DTD1: variants seen among roughly 807,000 people sequenced by gnomAD.
DTD1 encodes D-aminoacyl-tRNA deacylase 1.
In DTD1, 13 loss-of-function variants were observed where a neutral mutation model predicts 25.6. The ratio of observed to expected loss-of-function variants is 0.51; its 90% CI spans 0.33 to 0.81. The LOEUF (loss-of-function observed/expected upper bound fraction) is 0.81, where lower values mean the gene tolerates loss of function less well. Ranked by LOEUF, DTD1 falls within the 30% of genes least tolerant of loss-of-function variation. DTD1 has a pLI of 0.02. For synonymous variants in DTD1, 110 were observed against 103.6 expected, an observed-to-expected ratio of 1.06 and a Z score of -0.37; for missense variants, 193 against 266.4, an observed-to-expected ratio of 0.72 and a Z score of 1.92.
At chr20:18,601,498 C>CAAA (rs1175102426) in intron 3 of DTD1, among the ~76,000 whole-genome samples, 6 of 110,574 alleles carry the variant, frequency 5.4e-5, no homozygotes, top group African/African-American at 1.1e-4. Flanking sequence ...GACTCTGTCT[C>CAAA]AAAAAAAAAA....
At chr20:18,666,359 C>A (rs539343248) in intron 4 of DTD1, among the ~76,000 whole-genome samples, 9 of 152,318 alleles carry the variant, frequency 5.9e-5, no homozygotes, top group African/African-American at 2.2e-4. Context: ...TACTATTTTT[C>A]TCTTTTCCTC....
intron 4 of DTD1, among the ~76,000 whole-genome samples, chr20:18,690,563 C>T (rs865834199): frequency 2.0e-5 from 3 of 152,160 alleles, no homozygotes; most frequent in Non-Finnish European, 2.9e-5. Flanking sequence ...CTACATATAG[C>T]GAGTCAGTTA....
At chr20:18,718,317 C>T (rs1397850273) in intron 4 of DTD1, among the ~76,000 whole-genome samples, 1 of 152,194 alleles carries the variant, frequency 6.6e-6, no homozygotes, top group Non-Finnish European at 1.5e-5. Context: ...CCATAGGGTG[C>T]TGTTACCTCC....
chr20:18,704,951 A>G (rs1327644686), intron 4 of DTD1, among the ~76,000 whole-genome samples: 1 of 152,212 alleles, frequency 6.6e-6, no homozygotes, highest in Non-Finnish European at 1.5e-5. Flanking sequence ...ATCTCAGAGC[A>G]GTTGTTAAGG....
intron 4 of DTD1, among the ~76,000 whole-genome samples, chr20:18,729,266 T>A (rs944504450): frequency 2.0e-5 from 3 of 152,232 alleles, no homozygotes; most frequent in Non-Finnish European, 4.4e-5. Flanking sequence ...TGGCTAAGGC[T>A]TTTATAGATA....
chr20:18,612,239 T>G (rs918574055), intron 3 of DTD1, among the ~76,000 whole-genome samples: 41 of 151,882 alleles, frequency 2.7e-4, no homozygotes, highest in Admixed American at 2.7e-3. Context: ...TTTCACCGTT[T>G]TAGCCGGGAT....
At chr20:18,648,950 C>T (rs570875496) in intron 4 of DTD1, among the ~76,000 whole-genome samples, 80 of 130,904 alleles carry the variant, frequency 6.1e-4, no homozygotes, top group Non-Finnish European at 9.9e-4. Flanking sequence ...GAGCTGAGAT[C>T]GCGCCACTGC....
chr20:18,678,430 T>G (rs893122385), intron 4 of DTD1, among the ~76,000 whole-genome samples: 3 of 152,218 alleles, frequency 2.0e-5, no homozygotes, highest in African/African-American at 7.2e-5. Context: ...CACTGCCTAC[T>G]TTAACCCCAC....
intron 3 of DTD1, among the ~76,000 whole-genome samples, chr20:18,626,178 A>C (rs2060756861): frequency 6.6e-6 from 1 of 152,212 alleles, no homozygotes; most frequent in South Asian, 2.1e-4. Context: ...CTGTGTACTA[A>C]CCTATGTGCA....
chr20:18,684,027 C>A (rs1183208678), intron 4 of DTD1, among the ~76,000 whole-genome samples: 3 of 152,152 alleles, frequency 2.0e-5, no homozygotes, highest in Non-Finnish European at 4.4e-5. Context: ...GGAGAGTAGG[C>A]CTTTCCCTGG....
intron 5 of DTD1, among the ~76,000 whole-genome samples, chr20:18,751,064 C>CGTGTGTGTGTGTGT (rs144204072): frequency 5.1e-4 from 76 of 150,384 alleles, no homozygotes; most frequent in Non-Finnish European, 8.7e-4. Flanking sequence ...CTACAGCAGC[C>CGTGTGTGTGTGTGT]GTGTGTGTGT....
chr20:18,761,112 G>A (rs145874266), intron 5 of DTD1, among the ~76,000 whole-genome samples: 30 of 152,220 alleles, frequency 2.0e-4, no homozygotes, highest in East Asian at 7.7e-4. Flanking sequence ...GGAGTGACCC[G>A]ATTTTCCAGG....
At chr20:18,632,225 A>G (rs1484748628) in intron 4 of DTD1, 1 of 985,318 alleles carries the variant, frequency 1.0e-6, no homozygotes, top group Non-Finnish European at 1.2e-6. Context: ...ATGTTAACTT[A>G]TAAGGATTAA....
intron 4 of DTD1, among the ~76,000 whole-genome samples, chr20:18,677,902 T>C (rs895722651): frequency 2.6e-5 from 4 of 152,238 alleles, no homozygotes; most frequent in Admixed American, 2.0e-4. Flanking sequence ...TCAGCTCTCC[T>C]TAGTGGATAC....
At chr20:18,622,235 C>T (rs2060737435) in intron 3 of DTD1, among the ~76,000 whole-genome samples, 2 of 152,030 alleles carry the variant, frequency 1.3e-5, no homozygotes, top group South Asian at 4.2e-4. Context: ...CCTCCCCTTG[C>T]CCCCGACCCC....
At chr20:18,656,825 G>A (rs1266181592) in intron 4 of DTD1, among the ~76,000 whole-genome samples, 1 of 152,138 alleles carries the variant, frequency 6.6e-6, no homozygotes, top group Non-Finnish European at 1.5e-5. Context: ...CTGGAAAACC[G>A]GCATCAGAGC....
intron 4 of DTD1, among the ~76,000 whole-genome samples, chr20:18,708,296 TAA>T (rs374102074): frequency 0.15 from 7,828 of 52,862 alleles, 1,243 homozygotes; most frequent in Non-Finnish European, 0.2. Flanking sequence ...TATATATATA[TAA>T]TATATATATT....
At chr20:18,732,994 T>C (rs1173154704) in intron 4 of DTD1, among the ~76,000 whole-genome samples, 1 of 152,154 alleles carries the variant, frequency 6.6e-6, no homozygotes, top group African/African-American at 2.4e-5. Flanking sequence ...TCAAAGCATT[T>C]AAAATGCTTG....
At chr20:18,594,690 G>C (rs370133572) in intron 2 of DTD1, among the ~76,000 whole-genome samples, 2 of 152,156 alleles carry the variant, frequency 1.3e-5, no homozygotes, top group African/African-American at 4.8e-5. Flanking sequence ...TCCTGCTAAG[G>C]TGTTGATGAT....
Sources: allele counts gnomAD v4.1 joint callset (sites outside exome capture counted in the v4.1 genomes callset), GRCh38; gene constraint gnomAD v4.1.1; transcripts MANE v1.5; gene names NCBI Gene and HGNC (gene_info 2026-07-23, HGNC 2026-07-21).